The following DPPA2 variants were observed in gnomAD, a reference collection of about 807,000 sequenced individuals.
DPPA2 encodes developmental pluripotency-associated protein 2.
DPPA2 carries 26 observed loss-of-function variants against 36.2 expected under a neutral mutation model. That is an observed-to-expected ratio of 0.72 (90% CI 0.53 to 1.00). DPPA2 has a LOEUF of 1.00. Ranked by LOEUF, DPPA2 falls within the 50% of genes least tolerant of loss-of-function variation. The pLI is 0.00. For synonymous variants in DPPA2, 113 were observed against 123.2 expected, an observed-to-expected ratio of 0.92 and a Z score of 0.55; for missense variants, 361 against 365.1, an observed-to-expected ratio of 0.99 and a Z score of 0.09.
intron 8 of DPPA2, among the ~76,000 whole-genome samples, chr3:109,296,422 C>T (rs570641374): frequency 9.8e-4 from 149 of 152,326 alleles, no homozygotes; most frequent in African/African-American, 3.4e-3. Flanking sequence ...CGCCTGTAAT[C>T]CCAAAACTTT....
chr3:109,309,469 C>T (rs1487332944), intron 3 of DPPA2, 139 bp from the exon 4 acceptor site: 16 of 820,940 alleles, frequency 1.9e-5, no homozygotes, highest in African/African-American at 5.3e-5. Flanking sequence ...AGGCAGATCA[C>T]GAGGTCAGGA....
At position 109,314,535 on chromosome 3, in the gene DPPA2, T is replaced by C. The variant is rs1707759092; in HGVS notation, c.8A>G (p.Asp3Gly). 1 of 1,610,454 alleles carries C rather than the reference T, an allele frequency of 6.2e-7. No individual in the cohort carries two copies. Among genetic ancestry groups the C allele is most frequent in the Non-Finnish European group, 8.5e-7 (1 of 1,177,518 alleles). MSDANLDSSKKNF... is the reference protein window; with the variant it reads MSGANLDSSKKNF... ...CTTCTTGCTGCTATCCAAATTTGCA[T>C]CTGACATTTTCAGCAACACCCTGGG... Residue 3 changes from aspartate (D) to glycine (G), a missense_variant, in exon 2 of 9, where the codon GAT becomes GGT. Physicochemically the swap from Asp to Gly is moderately conservative, Grantham distance 94. Transcript: ENST00000478945.
At chr3:109,306,471 T>C (rs924805164) in intron 6 of DPPA2, among the ~76,000 whole-genome samples, 10 of 152,076 alleles carry the variant, frequency 6.6e-5, no homozygotes, top group Admixed American at 5.2e-4. Context: ...CCTTGTATGA[T>C]GAATAATGTG....
rs1484795998 is a variant in DPPA2, at chr3:109,308,020, G to C, written c.658+12C>G. On this transcript the variant is annotated intron_variant, in intron 6 of 8. Transcript: ENST00000478945. ...CTCTGGAGTGGGACTCACACTTTAA[G>C]GTTGATCTTACCAGAGGCTTGCATC... is the stretch of plus-strand genomic sequence containing the variant. 1.2e-6 allele frequency: 2 copies of C among 1,612,638 alleles called. No individual in the cohort carries two copies. The highest frequency in any genetic ancestry group is 1.3e-5 in the African/African-American group (1 of 74,884).
chr3:109,308,180 T>A lies in DPPA2; in HGVS notation c.510A>T (p.Glu170Asp). 6.2e-7 allele frequency: 1 copy of A among 1,614,226 alleles called. No individual in the cohort carries two copies. The highest frequency in any genetic ancestry group is 8.5e-7 in the Non-Finnish European group (1 of 1,180,032). The part of the protein sequence containing the change: ...QRSYEMNERA[E>D]ETNTVEVITS... Reference sequence around the variant, plus strand: ...TTATCACTTCAACTGTATTGGTCTCTTCTGCTCTCTCATTCATCTCATAAC... The same window carrying A: ...TTATCACTTCAACTGTATTGGTCTCATCTGCTCTCTCATTCATCTCATAAC... Residue 170 changes from glutamate (E) to aspartate (D), a missense_variant, in exon 6 of 9, where the codon GAA (glutamate) becomes GAT (aspartate). By Grantham distance (45) the Glu-to-Asp change is conservative (BLOSUM62 2). Transcript: ENST00000478945.
At chr3:109,309,797 C>T (rs1254558104) in intron 3 of DPPA2, among the ~76,000 whole-genome samples, 3 of 151,900 alleles carry the variant, frequency 2.0e-5, no homozygotes, top group Non-Finnish European at 1.5e-5. Flanking sequence ...GTAACAAGGC[C>T]GGGCACGGTG....
intron 3 of DPPA2, among the ~76,000 whole-genome samples, chr3:109,311,750 T>C (rs1220277686): frequency 1.3e-5 from 2 of 150,092 alleles, no homozygotes; most frequent in African/African-American, 4.9e-5. Context: ...CCAGAAAAAT[T>C]TAAAAAAAAA....
chr3:109,316,088 A>T (rs563876607), intron 1 of DPPA2, among the ~76,000 whole-genome samples, 196 bp downstream of exon 1: 2 of 152,036 alleles, frequency 1.3e-5, no homozygotes, highest in Admixed American at 1.3e-4. Context: ...TTTTTTAGAC[A>T]GGCTCTGACG....
Position 109,308,347 on chromosome 3 carries a change from T to G in DPPA2, c.397-54A>C, listed in dbSNP as rs531023253. On this transcript the variant is annotated intron_variant, in intron 5 of 8. Transcript: ENST00000478945. ...AGTAAACCGCTAGGGCTGTAAGGACTTTTGGGTCAATTTTATTATTCTTTT... is the reference window on the plus strand; with the variant it reads ...AGTAAACCGCTAGGGCTGTAAGGACGTTTGGGTCAATTTTATTATTCTTTT... 13 of 1,559,366 alleles carry G rather than the reference T, an allele frequency of 8.3e-6. No individual in the cohort carries two copies. The East Asian group carries it at 2.0e-4, about 24-fold the overall frequency.
intron 8 of DPPA2, among the ~76,000 whole-genome samples, chr3:109,296,050 C>T (rs1487334722): frequency 2.0e-5 from 3 of 151,816 alleles, no homozygotes; most frequent in African/African-American, 7.3e-5. Context: ...CCAAGAATTG[C>T]GAGGCAATTA....
chr3:109,306,733 AG>A (rs1278578927), intron 6 of DPPA2, among the ~76,000 whole-genome samples: 1 of 151,704 alleles, frequency 6.6e-6, no homozygotes, highest in African/African-American at 2.4e-5. Context: ...TAGGAGGCCA[AG>A]GCAGGTGGAT....
In DPPA2 at chr3:109,304,543, C is replaced by T. The variant is rs750273666; in HGVS notation, c.786G>A (p.Leu262=). The stretch of plus-strand genomic sequence containing the variant: ...GGGATGGGAAAATGCAGGCAGGTAA[C>T]AAGAAGAGAGAAATCATCCTCCTGT... ...TTHRRMISLF[L]LPACIFPSPG... Residue 262 remains leucine (L), a synonymous_variant, in exon 7 of 9, where the codon TTG becomes TTA. Coordinates refer to ENST00000478945, the MANE Select transcript of DPPA2 (RefSeq NM_138815.4). 1.2e-6 allele frequency: 2 copies of T among 1,613,892 alleles called. No homozygotes were observed. Among genetic ancestry groups the T allele is most frequent in the African/African-American group, 1.3e-5 (1 of 74,868 alleles).
Position 109,314,492 on chromosome 3 carries a change from T to C in DPPA2, c.33+18A>G, listed in dbSNP as rs745808688. On this transcript the variant is annotated intron_variant, in intron 2 of 8. Transcript: ENST00000478945. ...AAAGCGACTGTGAGAAAAGTAATTC[T>C]ATTAGAATGAAACTTACCTTCTTGC... 4.4e-6 allele frequency: 7 copies of C among 1,606,974 alleles called. No individual in the cohort carries two copies. The highest frequency in any genetic ancestry group is 1.7e-6 in the Non-Finnish European group (2 of 1,175,344).
At chr3:109,310,394 TGAGACTC>T (rs1707682129) in intron 3 of DPPA2, among the ~76,000 whole-genome samples, 1 of 86,368 alleles carries the variant, frequency 1.2e-5, no homozygotes, top group Non-Finnish European at 2.0e-5. Flanking sequence ...GGCAATACAG[TGAGACTC>T]TGTCTCAAAA....
rs1707648988 is a variant in DPPA2, at chr3:109,309,232, T to G, written c.280A>C (p.Lys94Gln). 5 of 1,614,166 alleles carry G rather than the reference T, an allele frequency of 3.1e-6. No homozygotes were observed. In the East Asian group the frequency reaches 1.1e-4, roughly 36 times the overall value. The change falls in exon 4 of 9, where the codon AAG becomes CAG. Residue 94 changes from lysine to glutamine, a missense_variant. Lys to Gln is a moderately conservative substitution (Grantham distance 53). Coordinates refer to ENST00000478945, the MANE Select transcript of DPPA2 (RefSeq NM_138815.4). ...PLPTILPPIN[K>Q]VCRDTLRDWC... ...TCCCGCAAAGTGTCCCGACACACCT[T>G]ATTAATGGGAGGCAAAATGGTCGGC...
rs986403219 is a variant in DPPA2 at position 109,299,255 on chromosome 3, G to A, written c.*22+1116C>T. The stretch of plus-strand genomic sequence containing the variant: ...GGGCTGGGTGCGGTGGCTCCCGCCT[G>A]TAATCCCAGCACTTTGGGAAACCGA... On this transcript the variant is annotated intron_variant, in intron 8 of 8. Coordinates refer to ENST00000478945, the MANE Select transcript of DPPA2 (RefSeq NM_138815.4). Among the ~76,000 whole-genome samples, 156 of 151,966 alleles carry A rather than the reference G, an allele frequency of 1.0e-3. 1 individual carries two copies. Among genetic ancestry groups the A allele is most frequent in the African/African-American group, 3.7e-3 (152 of 41,482 alleles).
intron 2 of DPPA2, among the ~76,000 whole-genome samples, chr3:109,314,023 A>T (rs911085587): frequency 6.6e-6 from 1 of 152,128 alleles, no homozygotes; most frequent in Non-Finnish European, 1.5e-5. Context: ...ATTTGGTACC[A>T]AGGCCACTGG....
At chr3:109,305,918 A>G (rs1316792068) in intron 6 of DPPA2, among the ~76,000 whole-genome samples, 1 of 152,092 alleles carries the variant, frequency 6.6e-6, no homozygotes, top group Non-Finnish European at 1.5e-5. Flanking sequence ...TTACCTAACC[A>G]CTACATTGTA....
intron 7 of DPPA2, among the ~76,000 whole-genome samples, chr3:109,303,641 T>C (rs1449307936): frequency 6.6e-6 from 1 of 151,700 alleles, no homozygotes; most frequent in East Asian, 2.0e-4. Context: ...ACTGCTGGGA[T>C]TACAGGCATG....
Sources: allele counts gnomAD v4.1 joint callset (sites outside exome capture counted in the v4.1 genomes callset), GRCh38; gene constraint gnomAD v4.1.1; transcripts MANE v1.5; gene names NCBI Gene and HGNC (gene_info 2026-07-23, HGNC 2026-07-21).